HRH1: variants seen among roughly 807,000 people sequenced by gnomAD.
The protein encoded by HRH1 is histamine receptor H1, also known as histamine H1 receptor.
A neutral mutation model predicts 10.3 loss-of-function variants in HRH1; 6 were observed. The ratio of observed to expected loss-of-function variants is 0.58; its 90% CI spans 0.32 to 1.15. HRH1 has a LOEUF of 1.15. Ranked by LOEUF, HRH1 falls within the 50% of genes most tolerant of loss-of-function variation. The pLI is 0.05. For missense variants in HRH1, 514 were observed against 615.3 expected (o/e 0.84, Z 1.74); for synonymous variants, 242 against 236.7 (o/e 1.02, Z -0.21).
At chr3:11,209,056 A>G (rs1261201940) in intron 1 of HRH1, among the ~76,000 whole-genome samples, 3 of 152,236 alleles carry the variant, frequency 2.0e-5, no homozygotes, top group African/African-American at 7.2e-5. Flanking sequence ...AGCCCAATCA[A>G]GAAATACTTA....
chr3:11,215,603 G>T (rs1289764755), intron 1 of HRH1, among the ~76,000 whole-genome samples: 1 of 152,124 alleles, frequency 6.6e-6, no homozygotes, highest in African/African-American at 2.4e-5. Context: ...ACTACACCTG[G>T]CTAATTTTTT....
At chr3:11,172,314 C>T (rs1937166357) in intron 1 of HRH1, among the ~76,000 whole-genome samples, 1 of 152,226 alleles carries the variant, frequency 6.6e-6, no homozygotes, top group African/African-American at 2.4e-5. Context: ...GGCCTGGGTC[C>T]GGGCAGTAGC....
At chr3:11,138,565 GA>G (rs1028498621) in intron 1 of HRH1, among the ~76,000 whole-genome samples, 2 of 152,128 alleles carry the variant, frequency 1.3e-5, no homozygotes, top group Non-Finnish European at 2.9e-5. Flanking sequence ...AGTTACTTTG[GA>G]AAACAGTTTG....
chr3:11,147,512 T>C (rs563779616), intron 1 of HRH1, among the ~76,000 whole-genome samples: 145 of 152,278 alleles, frequency 9.5e-4, no homozygotes, highest in African/African-American at 3.2e-3. Flanking sequence ...GATATTCCAG[T>C]TGAGGAGAAA....
intron 1 of HRH1, among the ~76,000 whole-genome samples, chr3:11,250,008 G>GAGGA (rs1939599694): frequency 6.6e-6 from 1 of 151,144 alleles, no homozygotes; most frequent in Non-Finnish European, 1.5e-5. Flanking sequence ...AGAGGAAAAG[G>GAGGA]AGGAAGAGGC....
At chr3:11,253,168 G>C (rs1011452935) in intron 1 of HRH1, 2 of 152,108 alleles carry the variant, frequency 1.3e-5, no homozygotes, top group African/African-American at 2.4e-5. Context: ...AGTTACACTA[G>C]ATGGAAGATA....
At chr3:11,182,298 T>C (rs1263061287) in intron 1 of HRH1, among the ~76,000 whole-genome samples, 1 of 152,210 alleles carries the variant, frequency 6.6e-6, no homozygotes, top group African/African-American at 2.4e-5. Flanking sequence ...AATTCTTATA[T>C]TTTCTGGATA....
In HRH1 at chr3:11,232,663, G is replaced by A. The variant is rs1035003729; in HGVS notation, c.-35-26340G>A. On this transcript the variant is annotated intron_variant, in intron 1 of 1. Transcript: ENST00000431010. ...TTTTAGAAGAGTCTTGTCTATATCC[G>A]TAAGACATCTTGCTGATATTTTGAT... Among the ~76,000 whole-genome samples the A allele has an allele frequency of 3.3e-5, 5 of 152,210 alleles. No individual in the cohort carries two copies. The East Asian group carries it at 5.8e-4, about 18-fold the overall frequency.
At chr3:11,139,421 A>G (rs1171853708) in intron 1 of HRH1, among the ~76,000 whole-genome samples, 1 of 152,080 alleles carries the variant, frequency 6.6e-6, no homozygotes, top group East Asian at 1.9e-4. Flanking sequence ...CTGGGATTAC[A>G]GGCGCCTGCC....
rs1308433697 is a variant in HRH1, at chr3:11,259,011, C to A, written c.-27C>A. On this transcript the variant is annotated 5_prime_UTR_variant, in exon 2 of 2. Transcript: ENST00000431010. The surrounding 1 kb of genome is among the most constrained non-coding windows in gnomAD (Gnocchi z 4.6). ...TCTCTCTTTTCTCCCAGGGAGTGAG[C>A]CATAACTGGTGGCTGCTCTTGCGCC... The A allele has an allele frequency of 1.3e-6, 2 of 1,559,282 alleles. No individual in the cohort carries two copies. The highest frequency in any genetic ancestry group is 3.8e-5 in the Admixed American group (2 of 52,212).
At chr3:11,173,609 A>G (rs1937196390) in intron 1 of HRH1, among the ~76,000 whole-genome samples, 1 of 151,626 alleles carries the variant, frequency 6.6e-6, no homozygotes, top group African/African-American at 2.4e-5. Context: ...TATCCTTTAT[A>G]AAAATATATT....
In HRH1 at chr3:11,185,026, A is replaced by G. The variant is rs559301931; in HGVS notation, c.-36+30472A>G. On this transcript the variant is annotated intron_variant, in intron 1 of 1. Coordinates refer to ENST00000431010, the MANE Select transcript of HRH1 (RefSeq NM_001098212.2). The stretch of plus-strand genomic sequence containing the variant: ...GCATTTAAAGTTTTTATTAAAATGA[A>G]CAGTACTAATTTAAAAAAAAAAAAA... 5.7e-5 allele frequency among the ~76,000 whole-genome samples: 8 copies of G among 139,654 alleles called. No homozygotes were observed. The East Asian group carries it at 1.5e-3, about 26-fold the overall frequency. 91.6% of individuals were successfully genotyped at this position (139,654 alleles called of 152,430 possible). A position where few individuals can be genotyped will look rare whatever the true frequency, so the allele number is the denominator to read the frequency against.
intron 1 of HRH1, among the ~76,000 whole-genome samples, chr3:11,235,016 C>T (rs1187542060): frequency 6.6e-6 from 1 of 151,914 alleles, no homozygotes; most frequent in East Asian, 1.9e-4. Flanking sequence ...GAGATCGAGA[C>T]CATCCTGGCT....
At chr3:11,215,595 T>C (rs1166537421) in intron 1 of HRH1, among the ~76,000 whole-genome samples, 2 of 152,174 alleles carry the variant, frequency 1.3e-5, no homozygotes, top group African/African-American at 2.4e-5. Flanking sequence ...CGCCTGCCAC[T>C]ACACCTGGCT....
chr3:11,224,931 T>C (rs1158190106), intron 1 of HRH1, among the ~76,000 whole-genome samples: 1 of 152,134 alleles, frequency 6.6e-6, no homozygotes, highest in South Asian at 2.1e-4. Context: ...TTAAGGACTT[T>C]AGGGATGAGG....
At chr3:11,234,524 C>T (rs1939123011) in intron 1 of HRH1, 13 of 1,420,368 alleles carry the variant, frequency 9.2e-6, no homozygotes, top group South Asian at 1.1e-5. Context: ...AAGGCATGGA[C>T]GGTTCCAGTT....
chr3:11,191,332 T>A (rs770573771), intron 1 of HRH1, among the ~76,000 whole-genome samples: 1 of 152,098 alleles, frequency 6.6e-6, no homozygotes, highest in Non-Finnish European at 1.5e-5. Context: ...ATGTCAAGCA[T>A]GTTAGTTTCT....
rs143804798 is a variant in HRH1 at position 11,246,667 on chromosome 3, G to A, written c.-35-12336G>A. Among the ~76,000 whole-genome samples the A allele has an allele frequency of 1.0e-3, 158 of 152,286 alleles. 1 individual carries two copies. Among genetic ancestry groups the A allele is most frequent in the African/African-American group, 3.6e-3 (148 of 41,560 alleles). On this transcript the variant is annotated intron_variant, in intron 1 of 1. Coordinates refer to ENST00000431010, the MANE Select transcript of HRH1 (RefSeq NM_001098212.2). ...ACCCCTAAATGTTTAAAATGCTACA[G>A]TAATTTTTAGTTCAGTGATGACAAT... is the stretch of plus-strand genomic sequence containing the variant.
Position 11,260,119 on chromosome 3 carries a change from C to A in HRH1, c.1082C>A (p.Thr361Lys). 2 of 1,614,042 alleles carry A rather than the reference C, an allele frequency of 1.2e-6. No individual in the cohort carries two copies. The highest frequency in any genetic ancestry group is 1.7e-6 in the Non-Finnish European group (2 of 1,180,012). ...MLGDSQSFSR[T>K]DSDTTTETAP... is the part of the protein sequence containing the mutation. Reference sequence around the variant, plus strand: ...GGTGATAGCCAATCCTTCTCTCGAACGGACTCAGATACCACCACAGAGACA... The same window carrying A: ...GGTGATAGCCAATCCTTCTCTCGAAAGGACTCAGATACCACCACAGAGACA... Residue 361 changes from threonine to lysine, a missense_variant, in exon 2 of 2, where the codon ACG becomes AAG. Physicochemically the swap from Thr to Lys is moderately conservative, Grantham distance 78 (BLOSUM62 -1). Coordinates refer to ENST00000431010, the MANE Select transcript of HRH1 (RefSeq NM_001098212.2).
Sources: allele counts gnomAD v4.1 joint callset (sites outside exome capture counted in the v4.1 genomes callset), GRCh38; gene constraint gnomAD v4.1.1; non-coding constraint Gnocchi (gnomAD v3.1); transcripts MANE v1.5; gene names NCBI Gene and HGNC (gene_info 2026-07-23, HGNC 2026-07-21).